FNDC1: variants seen among roughly 807,000 people sequenced by gnomAD.
FNDC1 encodes fibronectin type III domain-containing protein 1.
FNDC1 carries 96 observed loss-of-function variants against 168.0 expected under a neutral mutation model. The observed-to-expected ratio is 0.57, with a 90% confidence interval of 0.48 to 0.68. FNDC1 has a LOEUF of 0.68. FNDC1 is among the 30% of genes least tolerant of loss of function. The pLI, the probability that FNDC1 is intolerant of heterozygous loss-of-function variation, is 0.00. For synonymous variants in FNDC1, 1,099 were observed against 1,025.9 expected (o/e 1.07, Z -1.36); for missense variants, 2,587 against 2,482.1 (o/e 1.04, Z -0.90).
chr6:159,183,936 C>T (rs1781938378), intron 1 of FNDC1, among the ~76,000 whole-genome samples: 1 of 152,188 alleles, frequency 6.6e-6, no homozygotes, highest in South Asian at 2.1e-4. Flanking sequence ...ATCTTTGGTT[C>T]TGATTTATCT....
At chr6:159,249,331 T>A (rs1337376705) in intron 16 of FNDC1, 149 bp downstream of exon 16, 1 of 728,758 alleles carries the variant, frequency 1.4e-6, no homozygotes, top group Non-Finnish European at 2.2e-6. Context: ...ATTGAGTGAG[T>A]CAGTCTTATG....
chr6:159,201,738 T>A (rs2114951204), intron 4 of FNDC1, among the ~76,000 whole-genome samples: 1 of 152,316 alleles, frequency 6.6e-6, no homozygotes, highest in South Asian at 2.1e-4. Context: ...CAGAGGTTGT[T>A]TACCTCTGAA....
rs1562304687 is a variant in FNDC1 at position 159,239,762 on chromosome 6, ACGACCACCACC to A, written c.4429_4439del (p.Thr1477ProfsTer43). On this transcript the variant is annotated frameshift_variant, in exon 14 of 23. Coordinates refer to ENST00000297267, the MANE Select transcript of FNDC1 (RefSeq NM_032532.3). LOFTEE classifies it high-confidence loss of function. ...GCCCACCACTGCCACCACCCGCCGC[ACGACCACCACC>A]CGCCGCACGACCACCAGGCGTCCAA... 40 of 37,712 alleles carry A rather than the reference ACGACCACCACC, an allele frequency of 1.1e-3. No individual in the cohort carries two copies. Among genetic ancestry groups the A allele is most frequent in the Non-Finnish European group, 1.8e-3 (38 of 21,204 alleles). 2.3% of individuals were successfully genotyped at this position (37,712 alleles called of 1,614,324 possible).
At chr6:159,242,154 T>A (rs1783435954) in intron 14 of FNDC1, among the ~76,000 whole-genome samples, 1 of 152,078 alleles carries the variant, frequency 6.6e-6, no homozygotes. Flanking sequence ...TATGCAGCCA[T>A]AAAAGGAATG....
chr6:159,207,607 T>C (rs1782513531), intron 4 of FNDC1, among the ~76,000 whole-genome samples: 1 of 152,212 alleles, frequency 6.6e-6, no homozygotes, highest in Non-Finnish European at 1.5e-5. Flanking sequence ...CAGATATTAA[T>C]CCTGAAAGGA....
At chr6:159,186,480 C>CT (rs1782002410) in intron 1 of FNDC1, among the ~76,000 whole-genome samples, 1 of 152,204 alleles carries the variant, frequency 6.6e-6, no homozygotes, top group Non-Finnish European at 1.5e-5. Flanking sequence ...GAGCCAATTC[C>CT]TGAGGTCCCT....
intron 4 of FNDC1, among the ~76,000 whole-genome samples, chr6:159,204,138 A>G (rs1782436021): frequency 1.3e-5 from 2 of 152,160 alleles, no homozygotes; most frequent in African/African-American, 4.8e-5. Flanking sequence ...AGTTCAGCAT[A>G]GAGTCCACAA....
chr6:159,171,891 A>G (rs1233203648), intron 1 of FNDC1, among the ~76,000 whole-genome samples: 1 of 152,184 alleles, frequency 6.6e-6, no homozygotes, highest in Non-Finnish European at 1.5e-5. Context: ...ACTATTTTCA[A>G]AGTAATACTA....
rs1783188839 is a variant in FNDC1, at chr6:159,234,183, G to C, written c.3671G>C (p.Arg1224Thr). The C allele has an allele frequency of 4.4e-6, 7 of 1,599,814 alleles. No homozygotes were observed. In the East Asian group the frequency reaches 1.6e-4, roughly 36 times the overall value. ...GATGGGAGCCTCGCCAAGGAAGAGAGGGAGCCTGCCATCGCGCTTGCCCCT... is the reference window on the plus strand; with the variant it reads ...GATGGGAGCCTCGCCAAGGAAGAGACGGAGCCTGCCATCGCGCTTGCCCCT... ...DADGSLAKEE[R>T]EPAIALAPRG... Residue 1224 changes from arginine to threonine, a missense_variant, in exon 11 of 23, where the codon AGG becomes ACG. Transcript: ENST00000297267.
chr6:159,184,247 T>A (rs1472663326), intron 1 of FNDC1, among the ~76,000 whole-genome samples: 1 of 152,232 alleles, frequency 6.6e-6, no homozygotes, highest in East Asian at 1.9e-4. Flanking sequence ...TGACACATAG[T>A]AGGCACTCAG....
At chr6:159,188,403 C>T (rs1782050951) in intron 1 of FNDC1, among the ~76,000 whole-genome samples, 1 of 132,208 alleles carries the variant, frequency 7.6e-6, no homozygotes, top group Non-Finnish European at 1.6e-5. Flanking sequence ...GAGACAGAGT[C>T]TTGCTCTGTT....
chr6:159,195,041 G>A (rs1056814494), intron 1 of FNDC1, among the ~76,000 whole-genome samples: 1 of 152,098 alleles, frequency 6.6e-6, no homozygotes, highest in African/African-American at 2.4e-5. Flanking sequence ...GGTGCGGTGG[G>A]TGGGAGGAGG....
intron 4 of FNDC1, among the ~76,000 whole-genome samples, chr6:159,205,203 A>T (rs1782462283): frequency 6.6e-6 from 1 of 152,176 alleles, no homozygotes; most frequent in Non-Finnish European, 1.5e-5. Flanking sequence ...AAACAATGAA[A>T]CTATGAAAAC....
chr6:159,176,892 C>A (rs1255367709), intron 1 of FNDC1, among the ~76,000 whole-genome samples: 3 of 152,268 alleles, frequency 2.0e-5, no homozygotes, highest in Non-Finnish European at 2.9e-5. Context: ...CAATATAGAC[C>A]AAATGCCTAT....
In FNDC1 at chr6:159,256,649, T is replaced by C. The variant is rs370796542; in HGVS notation, c.5174+18T>C. ...AACACGAGGTACGATGTGTCAGTCA[T>C]TTAGAAAAGATGAGATCCATGTGCA... On this transcript the variant is annotated intron_variant, in intron 18 of 22. Transcript: ENST00000297267. 1 of 1,560,248 alleles carries C rather than the reference T, an allele frequency of 6.4e-7. No homozygotes were observed. Among genetic ancestry groups the C allele is most frequent in the African/African-American group, 1.4e-5 (1 of 73,888 alleles).
intron 8 of FNDC1, among the ~76,000 whole-genome samples, 163 bp downstream of exon 8, chr6:159,225,885 G>T (rs1782946422): frequency 6.6e-6 from 1 of 152,222 alleles, no homozygotes; most frequent in African/African-American, 2.4e-5. Flanking sequence ...TACATGCAAA[G>T]AAGTTAAGGA....
chr6:159,171,529 G>A (rs533610978), intron 1 of FNDC1, among the ~76,000 whole-genome samples: 1 of 152,280 alleles, frequency 6.6e-6, no homozygotes, highest in East Asian at 1.9e-4. Context: ...CCCTTTTGGG[G>A]CCAGAATCTC....
chr6:159,265,122 A>G (rs1222690423), intron 20 of FNDC1, 118 bp downstream of exon 20: 1 of 817,084 alleles, frequency 1.2e-6, no homozygotes, highest in African/African-American at 1.7e-5. Context: ...TTTTCTGTCA[A>G]CTTCTATGCT....
At chr6:159,270,544 A>G (rs918542915) in intron 22 of FNDC1, among the ~76,000 whole-genome samples, 2 of 152,174 alleles carry the variant, frequency 1.3e-5, no homozygotes, top group Non-Finnish European at 2.9e-5. Flanking sequence ...GCTGCTGGGT[A>G]TTCAGCACAC....
Sources: allele counts gnomAD v4.1 joint callset (sites outside exome capture counted in the v4.1 genomes callset), GRCh38; gene constraint gnomAD v4.1.1; transcripts MANE v1.5; gene names NCBI Gene and HGNC (gene_info 2026-07-23, HGNC 2026-07-21).